Variants in DPP6 observed in about 807,000 individuals in gnomAD.
DPP6 encodes A-type potassium channel modulatory protein DPP6.
DPP6 carries 69 observed loss-of-function variants against 122.6 expected under a neutral mutation model. That is an observed-to-expected ratio of 0.56 (90% CI 0.46 to 0.69). DPP6 has a LOEUF of 0.69. Among genes scored for constraint, DPP6 ranks in the 30% least tolerant of loss-of-function variants. DPP6 has a pLI of 0.00. For synonymous variants in DPP6, 418 were observed against 433.1 expected (o/e 0.97, Z 0.43); for missense variants, 928 against 1,116.9 (o/e 0.83, Z 2.41).
At chr7:154,864,538 A>G (rs940848) in intron 17 of DPP6, among the ~76,000 whole-genome samples, 42,719 of 152,072 alleles carry the variant, frequency 0.28, 7,861 homozygotes, top group East Asian at 0.54. Flanking sequence ...GTCAAAAGAA[A>G]AGTCCTTCAG....
At chr7:154,513,614 T>A (rs2129841823) in intron 3 of DPP6, among the ~76,000 whole-genome samples, 1 of 152,252 alleles carries the variant, frequency 6.6e-6, no homozygotes, top group African/African-American at 2.4e-5. Flanking sequence ...GCTCTGATCA[T>A]CCATTAGAGA....
intron 1 of DPP6, among the ~76,000 whole-genome samples, chr7:154,379,445 C>T (rs1160043882): frequency 2.6e-5 from 4 of 152,004 alleles, no homozygotes; most frequent in African/African-American, 9.7e-5. Context: ...CAACATGGCA[C>T]ATGTATACAT....
chr7:154,515,903 T>C (rs1264608725), intron 3 of DPP6, among the ~76,000 whole-genome samples: 3 of 152,138 alleles, frequency 2.0e-5, no homozygotes, highest in African/African-American at 7.2e-5. Flanking sequence ...ATCATCAATT[T>C]TGTTGTGTGG....
chr7:154,540,832 G>T (rs1280762799), intron 4 of DPP6, among the ~76,000 whole-genome samples: 1 of 152,098 alleles, frequency 6.6e-6, no homozygotes, highest in African/African-American at 2.4e-5. Flanking sequence ...TTCATTGTCT[G>T]GGAAATTTCT....
rs1834448889 is a variant in DPP6 at position 154,618,952 on chromosome 7, A to T, written c.628-18869A>T. On this transcript the variant is annotated intron_variant, in intron 5 of 25. Transcript: ENST00000377770. The surrounding 1 kb of genome is among the most constrained non-coding windows in gnomAD (Gnocchi z 4.1). ...GGACCTGGTAGGAGGTAACTGAATC[A>T]TGGGGGCAGGTTTTTCCCATGCTGT... is the stretch of plus-strand genomic sequence containing the variant. 6.6e-6 allele frequency among the ~76,000 whole-genome samples: 1 copy of T among 152,142 alleles called. No homozygotes were observed. The highest frequency in any genetic ancestry group is 1.9e-4 in the East Asian group (1 of 5,184).
intron 1 of DPP6, chr7:154,059,583 G>A (rs1456384618): frequency 6.9e-6 from 1 of 144,560 alleles, no homozygotes; most frequent in African/African-American, 2.7e-5. Flanking sequence ...ATCCCAAACT[G>A]CAGTATGAGC....
chr7:154,661,809 C>T (rs1837691545), intron 6 of DPP6, among the ~76,000 whole-genome samples: 1 of 143,692 alleles, frequency 7.0e-6, no homozygotes, highest in African/African-American at 2.7e-5. Context: ...GGCGTGTTGG[C>T]CCTAGTGTTC....
intron 4 of DPP6, among the ~76,000 whole-genome samples, chr7:154,557,128 C>T (rs879345250): frequency 6.6e-6 from 1 of 152,168 alleles, no homozygotes; most frequent in Non-Finnish European, 1.5e-5. Flanking sequence ...TCAGGGAGAA[C>T]TCATCTGTAG....
At chr7:154,700,933 C>T (rs139201032) in intron 7 of DPP6, among the ~76,000 whole-genome samples, 1 of 152,300 alleles carries the variant, frequency 6.6e-6, no homozygotes, top group African/African-American at 2.4e-5. Context: ...ATCAGACAGA[C>T]CACAGTCCAG....
At chr7:154,599,430 T>C (rs1347655960) in intron 5 of DPP6, among the ~76,000 whole-genome samples, 3 of 152,066 alleles carry the variant, frequency 2.0e-5, no homozygotes. Context: ...AGGTGAATAT[T>C]TGTGGGTAAG....
At chr7:154,209,775 G>A (rs567071943) in intron 1 of DPP6, among the ~76,000 whole-genome samples, 22 of 152,298 alleles carry the variant, frequency 1.4e-4, no homozygotes, top group African/African-American at 4.8e-4. Context: ...AGTCATCATT[G>A]TGTTGCTAAT....
intron 5 of DPP6, among the ~76,000 whole-genome samples, chr7:154,589,161 C>A (rs571402164): frequency 1.3e-5 from 2 of 152,288 alleles, no homozygotes; most frequent in African/African-American, 4.8e-5. Flanking sequence ...CAGGTGCCTC[C>A]TAACGCTGCC....
the DPP6 span, among the ~76,000 whole-genome samples, chr7:153,871,415 T>C: frequency 1.3e-5 from 2 of 152,184 alleles, no homozygotes. Flanking sequence ...GTGCTAGTAA[T>C]GAGCGAGGCT....
At chr7:154,864,629 T>C (rs1803695079) in intron 17 of DPP6, among the ~76,000 whole-genome samples, 1 of 152,230 alleles carries the variant, frequency 6.6e-6, no homozygotes. Context: ...TAAAATGGCT[T>C]AACTCAAGTC....
intron 1 of DPP6, among the ~76,000 whole-genome samples, chr7:154,154,644 A>C (rs1302995311): frequency 6.6e-6 from 1 of 152,256 alleles, no homozygotes; most frequent in Non-Finnish European, 1.5e-5. Flanking sequence ...GTTCAAGCCC[A>C]TTTTAGAGCT....
At chr7:154,691,544 G>A (rs190845587) in intron 7 of DPP6, among the ~76,000 whole-genome samples, 8 of 152,284 alleles carry the variant, frequency 5.3e-5, no homozygotes, top group Admixed American at 2.0e-4. Flanking sequence ...GCAGCCGGGC[G>A]CGGTGGCTCA....
intron 1 of DPP6, among the ~76,000 whole-genome samples, chr7:154,442,740 G>A (rs1036125669): frequency 5.3e-5 from 8 of 152,038 alleles, no homozygotes; most frequent in East Asian, 1.9e-4. Context: ...AATATATCCC[G>A]ACACCTAGGT....
At chr7:154,538,448 T>C (rs1335302964) in intron 3 of DPP6, among the ~76,000 whole-genome samples, 1 of 152,116 alleles carries the variant, frequency 6.6e-6, no homozygotes, top group Non-Finnish European at 1.5e-5. Context: ...TGTGTTTTCA[T>C]TGTTCAGCTC....
At chr7:154,384,526 C>T (rs1813907053) in intron 1 of DPP6, among the ~76,000 whole-genome samples, 1 of 152,058 alleles carries the variant, frequency 6.6e-6, no homozygotes, top group South Asian at 2.1e-4. Context: ...GGCACTAAGA[C>T]CAGCTCACAG....
Sources: allele counts gnomAD v4.1 joint callset (sites outside exome capture counted in the v4.1 genomes callset), GRCh38; gene constraint gnomAD v4.1.1; non-coding constraint Gnocchi (gnomAD v3.1); transcripts MANE v1.5; gene names NCBI Gene and HGNC (gene_info 2026-07-23, HGNC 2026-07-21).